The following OTUB1 variants were observed in gnomAD, a reference collection of about 807,000 sequenced individuals.
OTUB1 encodes the protein ubiquitin thioesterase OTUB1.
In OTUB1, 10 loss-of-function variants were observed where a neutral mutation model predicts 35.8. The observed-to-expected ratio is 0.28, with a 90% CI of 0.17 to 0.47. The LOEUF is 0.47. Among genes scored for constraint, OTUB1 ranks in the 20% least tolerant of loss-of-function variants. The pLI is 0.99. For missense variants in OTUB1, 264 were observed against 351.6 expected (o/e 0.75, Z 1.99); for synonymous variants, 158 against 143.8 (o/e 1.10, Z -0.71).
Position 63,997,577 on chromosome 11 carries a change from C to A in OTUB1, c.*31C>A. 1 of 1,580,966 alleles carries A rather than the reference C, an allele frequency of 6.3e-7. No individual in the cohort carries two copies. The highest frequency in any genetic ancestry group is 8.7e-7 in the Non-Finnish European group (1 of 1,151,334). On this transcript the variant is annotated 3_prime_UTR_variant, in exon 7 of 7. Coordinates refer to ENST00000538426, the MANE Select transcript of OTUB1 (RefSeq NM_017670.3). ...GCTCCAGCCCGCTGCTGCCCTGCTGCCCCCCTCTGCCAGGCGCTAGACATG... is the reference window on the plus strand; with the variant it reads ...GCTCCAGCCCGCTGCTGCCCTGCTGACCCCCTCTGCCAGGCGCTAGACATG...
At position 63,997,375 on chromosome 11, in the gene OTUB1, C is replaced by T. The variant is rs758804302; in HGVS notation, c.645C>T (p.Ser215=). 6.2e-6 allele frequency: 10 copies of T among 1,613,882 alleles called. No homozygotes were observed. Among genetic ancestry groups the T allele is most frequent in the East Asian group, 2.2e-5 (1 of 44,888 alleles). Residue 215 remains serine (S), a synonymous_variant, in exon 7 of 7, where the codon AGC becomes AGT. Coordinates refer to ENST00000538426, the MANE Select transcript of OTUB1 (RefSeq NM_017670.3). ...AGGTGGAGCCCATGTGCAAGGAGAG[C>T]GACCACATCCACATCATTGCGCTGG... ...QQEVEPMCKE[S]DHIHIIALAQ...
chr11:63,986,500 G>C lies in OTUB1; in HGVS notation c.44G>C (p.Gly15Ala). The change falls in exon 1 of 7, where the codon GGC becomes GCC. Residue 15 changes from glycine to alanine, a missense_variant. Physicochemically the swap from Gly to Ala is moderately conservative, Grantham distance 60 (BLOSUM62 0). Around this residue, in one of 2 missense-constraint regions of OTUB1, gnomAD observed 50 missense variants for 34.5 expected, o/e 1.45. Coordinates refer to ENST00000538426, the MANE Select transcript of OTUB1 (RefSeq NM_017670.3). The part of the protein sequence containing the change: ...EPQQQKQEPL[G>A]SDSEGVNCLA... The stretch of plus-strand genomic sequence containing the variant: ...CAGCAGCAGAAGCAGGAGCCGCTGG[G>C]CAGCGACTCCGAAGGTACAGATCCA... 1 of 1,552,298 alleles carries C rather than the reference G, an allele frequency of 6.4e-7. No homozygotes were observed. Among genetic ancestry groups the C allele is most frequent in the South Asian group, 1.2e-5 (1 of 84,164 alleles).
chr11:63,996,644 C>G lies in OTUB1; in HGVS notation c.334C>G (p.Gln112Glu), dbSNP rs1338431658. 2 of 1,614,096 alleles carry G rather than the reference C, an allele frequency of 1.2e-6. No individual in the cohort carries two copies. Among genetic ancestry groups the G allele is most frequent in the Non-Finnish European group, 1.7e-6 (2 of 1,180,038 alleles). ...ACTGCTGGATGACAGCAAGGAGTTG[C>G]AGCGGTGAGAAGGGTGGGCACTGGG... ...EALLDDSKELQRFKAVSAKSK... is the reference protein window; with the variant it reads ...EALLDDSKELERFKAVSAKSK... The change falls in exon 4 of 7, where the codon CAG becomes GAG. Residue 112 changes from glutamine to glutamate, a missense_variant. Coordinates refer to ENST00000538426, the MANE Select transcript of OTUB1 (RefSeq NM_017670.3).
At position 63,997,562 on chromosome 11, in the gene OTUB1, G is replaced by GCTGCTGCCCTGCTGCCCCCCT. The variant is rs1565187090; in HGVS notation, c.*21_*41dup. 6.2e-7 allele frequency: 1 copy of GCTGCTGCCCTGCTGCCCCCCT among 1,602,852 alleles called. No homozygotes were observed. Among genetic ancestry groups the GCTGCTGCCCTGCTGCCCCCCT allele is most frequent in the East Asian group, 2.2e-5 (1 of 44,826 alleles). On this transcript the variant is annotated 3_prime_UTR_variant, in exon 7 of 7. Coordinates refer to ENST00000538426, the MANE Select transcript of OTUB1 (RefSeq NM_017670.3). ...CTACAAATAGGGCTGGCTCCAGCCC[G>GCTGCTGCCCTGCTGCCCCCCT]CTGCTGCCCTGCTGCCCCCCTCTGC...
intron 3 of OTUB1, among the ~76,000 whole-genome samples, chr11:63,993,780 C>T (rs1309984166): frequency 4.6e-5 from 7 of 152,028 alleles, no homozygotes; most frequent in African/African-American, 9.7e-5. Flanking sequence ...CTTGATCCTC[C>T]CCCCTTGGCC....
At position 63,997,775 on chromosome 11, in the gene OTUB1, C is replaced by A. The variant is rs55951521; in HGVS notation, c.*229C>A. ...TGCTGCCCCCTCCCCCCAGGTGGGT[C>A]CCCCTGCTTTTCACCTATCTACTCC... On this transcript the variant is annotated 3_prime_UTR_variant, in exon 7 of 7. Coordinates refer to ENST00000538426, the MANE Select transcript of OTUB1 (RefSeq NM_017670.3). The A allele has an allele frequency of 2.9e-6, 2 of 700,900 alleles. No homozygotes were observed. The highest frequency in any genetic ancestry group is 5.2e-6 in the Non-Finnish European group (2 of 385,078). The allele number at this position is 700,900 out of a possible 1,614,324, so 43.4% of individuals were successfully genotyped here.
intron 3 of OTUB1, 68 bp from the exon 4 acceptor site, chr11:63,996,462 G>T: frequency 1.3e-6 from 2 of 1,544,012 alleles, no homozygotes; most frequent in South Asian, 1.1e-5. Flanking sequence ...CTTTGCTGGG[G>T]GACATTTCCT....
At chr11:63,989,295 G>A (rs1215437358) in intron 3 of OTUB1, 1 of 150,632 alleles carries the variant, frequency 6.6e-6, no homozygotes, top group East Asian at 2.0e-4. Flanking sequence ...ACTCCAGCCA[G>A]GGCAACAGAA....
chr11:63,996,270 A>G (rs1441754578), intron 3 of OTUB1, among the ~76,000 whole-genome samples: 1 of 152,186 alleles, frequency 6.6e-6, no homozygotes, highest in Non-Finnish European at 1.5e-5. Context: ...ACAGTCCTGT[A>G]GGCCCCGCAG....
At chr11:63,987,994 C>T (rs545515114) in intron 1 of OTUB1, among the ~76,000 whole-genome samples, 2 of 152,284 alleles carry the variant, frequency 1.3e-5, no homozygotes, top group African/African-American at 4.8e-5. Flanking sequence ...GCCAAGATGA[C>T]ACACTTGAGG....
At chr11:63,986,645 C>G (rs1942622761) in intron 1 of OTUB1, 131 bp downstream of exon 1, 1 of 683,544 alleles carries the variant, frequency 1.5e-6, no homozygotes, top group African/African-American at 1.8e-5. Context: ...CTTCCTCCAC[C>G]TCCGCTGCCT....
chr11:63,997,712 G>C lies in OTUB1; in HGVS notation c.*166G>C. 1.4e-6 allele frequency: 1 copy of C among 716,256 alleles called. No homozygotes were observed. The highest frequency in any genetic ancestry group is 2.5e-6 in the Non-Finnish European group (1 of 397,742). The allele number at this position is 716,256 out of a possible 1,614,324, so 44.4% of individuals were successfully genotyped here. ...GGGGTGCTGGTGGTGAGCCGTGTGT[G>C]CGTGTCCCTGCTCTGCTGCCCGCCT... is the stretch of plus-strand genomic sequence containing the variant. On this transcript the variant is annotated 3_prime_UTR_variant, in exon 7 of 7. Coordinates refer to ENST00000538426, the MANE Select transcript of OTUB1 (RefSeq NM_017670.3).
intron 3 of OTUB1, among the ~76,000 whole-genome samples, chr11:63,992,462 G>A (rs1448713472): frequency 6.6e-6 from 1 of 150,604 alleles, no homozygotes; most frequent in African/African-American, 2.4e-5. Flanking sequence ...TGAGCGGGGC[G>A]GGGCGGGGTG....
At chr11:63,989,051 G>T in intron 3 of OTUB1, 1 of 288,304 alleles carries the variant, frequency 3.5e-6, no homozygotes. Flanking sequence ...CAGGCACGGT[G>T]GCTCACGCCT....
At chr11:63,993,690 C>T (rs1409050734) in intron 3 of OTUB1, among the ~76,000 whole-genome samples, 1 of 150,632 alleles carries the variant, frequency 6.6e-6, no homozygotes, top group Non-Finnish European at 1.5e-5. Context: ...TTGCTTGAGA[C>T]TGATGTCGTC....
At chr11:63,986,760 C>CG in intron 1 of OTUB1, 1 of 488,096 alleles carries the variant, frequency 2.0e-6, no homozygotes, top group East Asian at 3.5e-5. Flanking sequence ...CGTGTGCGCC[C>CG]GGGGCGGGGC....
intron 3 of OTUB1, among the ~76,000 whole-genome samples, chr11:63,991,214 G>C (rs1460343693): frequency 6.6e-6 from 1 of 152,154 alleles, no homozygotes; most frequent in Non-Finnish European, 1.5e-5. Flanking sequence ...GACATTGTCT[G>C]CCTCACAGGG....
intron 6 of OTUB1, 25 bp downstream of exon 6, chr11:63,997,269 T>G: frequency 6.2e-7 from 1 of 1,611,064 alleles, no homozygotes; most frequent in East Asian, 2.2e-5. Flanking sequence ...CCCTTTACTC[T>G]CGGCCGGGGG....
intron 2 of OTUB1, 63 bp from the exon 3 acceptor site, chr11:63,988,587 TTCTG>T (rs746644686): frequency 3.0e-6 from 4 of 1,343,038 alleles, no homozygotes; most frequent in East Asian, 2.3e-5. Context: ...TTTGTAGTTA[TTCTG>T]TCTGTTAGGC....
Sources: gnomAD v4.1 joint callset for allele counts (sites outside exome capture counted in the v4.1 genomes callset) on GRCh38, gnomAD v4.1.1 for gene constraint, gnomAD v4.1.1 regional missense constraint, MANE v1.5 for transcripts, NCBI Gene and HGNC (gene_info 2026-07-23, HGNC 2026-07-21) for gene names.